The following CFAP44 variants were observed in gnomAD, a reference collection of about 807,000 sequenced individuals.
The protein encoded by CFAP44 is cilia- and flagella-associated protein 44.
A neutral mutation model predicts 216.2 loss-of-function variants in CFAP44; 134 were observed. The observed-to-expected ratio is 0.62, with a 90% CI of 0.54 to 0.72. CFAP44 has a LOEUF of 0.72. CFAP44 is among the 30% of genes least tolerant of loss of function. CFAP44 has a pLI of 0.00. For missense variants in CFAP44, 2,035 were observed against 2,182.1 expected (o/e 0.93, Z 1.34); for synonymous variants, 700 against 727.6 (o/e 0.96, Z 0.61).
At chr3:113,435,642 T>A (rs1319835859) in intron 1 of CFAP44, among the ~76,000 whole-genome samples, 1 of 150,812 alleles carries the variant, frequency 6.6e-6, no homozygotes, top group Non-Finnish European at 1.5e-5. Context: ...GGCAGGAGGA[T>A]CACTTGAGCC....
intron 28 of CFAP44, among the ~76,000 whole-genome samples, chr3:113,319,009 T>C (rs1165990919): frequency 6.7e-6 from 1 of 150,068 alleles, no homozygotes; most frequent in African/African-American, 2.4e-5. Flanking sequence ...TGGCAGGCAC[T>C]ATAAAGCAAC....
rs1225406211 is a variant in CFAP44, at chr3:113,433,622, C to T, written c.43G>A (p.Val15Ile). The change falls in exon 2 of 35, where the codon GTT becomes ATT. Residue 15 changes from valine to isoleucine, a missense_variant. Val to Ile is a conservative substitution (Grantham distance 29). Around this residue, in one of 3 missense-constraint regions of CFAP44, gnomAD observed 149 missense variants for 141.8 expected, o/e 1.05. Coordinates refer to ENST00000393845, the MANE Select transcript of CFAP44 (RefSeq NM_001164496.2). ...TTCTTCCCATCACTCTTTGATGTAA[C>T]TGATTTCTCCCCATCAGTATCCTGA... ...DDQDTDGEKS[V>I]TSKSDGKKSL... is the part of the protein sequence containing the mutation. 1.8e-5 allele frequency: 29 copies of T among 1,613,222 alleles called. No homozygotes were observed. Among genetic ancestry groups the T allele is most frequent in the Non-Finnish European group, 2.5e-5 (29 of 1,179,894 alleles).
At chr3:113,404,947 C>G (rs1390201972) in intron 8 of CFAP44, among the ~76,000 whole-genome samples, 1 of 152,196 alleles carries the variant, frequency 6.6e-6, no homozygotes, top group South Asian at 2.1e-4. Context: ...TTTATTTTCT[C>G]TAGGACCCCT....
chr3:113,363,808 C>T (rs909713224), intron 19 of CFAP44, among the ~76,000 whole-genome samples: 14 of 152,100 alleles, frequency 9.2e-5, no homozygotes, highest in African/African-American at 3.1e-4. Flanking sequence ...ATAATTTCCC[C>T]TCAAAATGTA....
intron 16 of CFAP44, 120 bp from the exon 17 acceptor site, chr3:113,379,671 A>T (rs931979774): frequency 1.5e-6 from 1 of 680,376 alleles, no homozygotes; most frequent in Admixed American, 3.8e-5. Context: ...AATAATATTT[A>T]AAAATACTCA....
intron 17 of CFAP44, among the ~76,000 whole-genome samples, chr3:113,376,249 G>A (rs1480565807): frequency 6.6e-6 from 1 of 152,178 alleles, no homozygotes; most frequent in Admixed American, 6.5e-5. Flanking sequence ...GATGGAGATG[G>A]AGCAGGTTTG....
intron 6 of CFAP44, among the ~76,000 whole-genome samples, chr3:113,414,020 C>T (rs144946100): frequency 1.7e-3 from 252 of 152,134 alleles, no homozygotes; most frequent in African/African-American, 5.7e-3. Context: ...TTGTTTGTGT[C>T]CTCTCTTACT....
intron 24 of CFAP44, among the ~76,000 whole-genome samples, chr3:113,334,971 G>A (rs539411029): frequency 3.0e-4 from 45 of 152,006 alleles, no homozygotes; most frequent in African/African-American, 1.0e-3. Flanking sequence ...TGTATTAACT[G>A]ATAATCATTT....
chr3:113,324,532 T>C (rs544119154), intron 28 of CFAP44, among the ~76,000 whole-genome samples: 1 of 152,312 alleles, frequency 6.6e-6, no homozygotes, highest in African/African-American at 2.4e-5. Flanking sequence ...TGAATCAATG[T>C]AGACAGGCAT....
At chr3:113,419,565 T>TC in intron 5 of CFAP44, among the ~76,000 whole-genome samples, 1 of 152,214 alleles carries the variant, frequency 6.6e-6, no homozygotes, top group Non-Finnish European at 1.5e-5. Context: ...TTTCACTCCA[T>TC]ATATCTCAAC....
At chr3:113,426,989 A>G (rs770197438) in intron 3 of CFAP44, 198 bp downstream of exon 3, 3 of 572,016 alleles carry the variant, frequency 5.2e-6, no homozygotes, top group South Asian at 2.3e-5. Flanking sequence ...AGAGTACTCT[A>G]TGTGATCCTC....
intron 4 of CFAP44, among the ~76,000 whole-genome samples, chr3:113,425,163 GAATT>G (rs528739360): frequency 9.5e-4 from 145 of 152,228 alleles, no homozygotes; most frequent in Middle Eastern, 3.4e-3. Context: ...AAATCAGCAC[GAATT>G]AATTTAGTTA....
chr3:113,330,763 G>GA (rs1337146897), intron 25 of CFAP44, 95 bp from the exon 26 acceptor site: 33 of 1,400,258 alleles, frequency 2.4e-5, no homozygotes, highest in Non-Finnish European at 2.7e-5. Flanking sequence ...GAAAGGCCTA[G>GA]AAAAAATTCA....
intron 22 of CFAP44, among the ~76,000 whole-genome samples, chr3:113,352,470 C>A (rs1203123732): frequency 6.6e-6 from 1 of 152,122 alleles, no homozygotes; most frequent in Non-Finnish European, 1.5e-5. Flanking sequence ...GACCAAGAAC[C>A]CACTGGAAGG....
intron 4 of CFAP44, among the ~76,000 whole-genome samples, chr3:113,420,559 T>C (rs1483523301): frequency 2.6e-5 from 4 of 152,180 alleles, no homozygotes; most frequent in Admixed American, 1.3e-4. Context: ...CTAAATAATT[T>C]TATTTTCCTC....
At chr3:113,354,409 C>T (rs142547260) in intron 22 of CFAP44, among the ~76,000 whole-genome samples, 3 of 152,312 alleles carry the variant, frequency 2.0e-5, no homozygotes, top group Non-Finnish European at 2.9e-5. Flanking sequence ...CTCAGCCCTG[C>T]TCAGCAGCTG....
rs1219316758 is a variant in CFAP44, at chr3:113,291,891, T to A, written c.5374-143A>T. 5 of 907,340 alleles carry A rather than the reference T, an allele frequency of 5.5e-6. No individual in the cohort carries two copies. The Admixed American group carries it at 1.4e-4, about 26-fold the overall frequency. The allele number at this position is 907,340 out of a possible 1,614,324, so 56.2% of individuals were successfully genotyped here. A position where few individuals can be genotyped will look rare whatever the true frequency, so the allele number is the denominator to read the frequency against. ...TTCCTTAATCTCGGGAGCCTTCAATTCCTCTGCTAAAATCCCACCATTAGA... is the reference window on the plus strand; with the variant it reads ...TTCCTTAATCTCGGGAGCCTTCAATACCTCTGCTAAAATCCCACCATTAGA... On this transcript the variant is annotated intron_variant, in intron 34 of 34. Coordinates refer to ENST00000393845, the MANE Select transcript of CFAP44 (RefSeq NM_001164496.2).
intron 11 of CFAP44, 75 bp from the exon 12 acceptor site, chr3:113,400,719 C>G: frequency 7.5e-7 from 1 of 1,327,702 alleles, no homozygotes; most frequent in South Asian, 1.3e-5. Flanking sequence ...TAAAAAAATG[C>G]AAAGATAAAA....
At chr3:113,385,395 G>A (rs945864157) in intron 15 of CFAP44, among the ~76,000 whole-genome samples, 1 of 152,134 alleles carries the variant, frequency 6.6e-6, no homozygotes, top group African/African-American at 2.4e-5. Flanking sequence ...TGATAGCAAT[G>A]TAGAAAGAAA....
Sources: gnomAD v4.1 joint callset for allele counts (sites outside exome capture counted in the v4.1 genomes callset) on GRCh38, gnomAD v4.1.1 for gene constraint, gnomAD v4.1.1 regional missense constraint, MANE v1.5 for transcripts, NCBI Gene and HGNC (gene_info 2026-07-23, HGNC 2026-07-21) for gene names.